WNK2: variants seen among roughly 807,000 people sequenced by gnomAD.
WNK2 encodes the protein WNK lysine deficient protein kinase 2.
In WNK2, 67 loss-of-function variants were observed where a neutral mutation model predicts 192.1. That is an observed-to-expected ratio of 0.35 (90% CI 0.29 to 0.43). WNK2 has a LOEUF of 0.43. Among genes scored for constraint, WNK2 ranks in the 20% least tolerant of loss-of-function variants. WNK2 has a pLI of 1.00. For synonymous variants in WNK2, 1,439 were observed against 1,393.9 expected, an observed-to-expected ratio of 1.03 and a Z score of -0.72; for missense variants, 2,698 against 3,089.7, an observed-to-expected ratio of 0.87 and a Z score of 3.01.
At chr9:93,218,783 G>A (rs1836257925) in intron 2 of WNK2, among the ~76,000 whole-genome samples, 1 of 152,232 alleles carries the variant, frequency 6.6e-6, no homozygotes, top group Non-Finnish European at 1.5e-5. Context: ...GGCTGTCAGG[G>A]CCAGGGCTGC....
At chr9:93,284,143 A>C (rs1028110402) in intron 19 of WNK2, among the ~76,000 whole-genome samples, 9 of 152,218 alleles carry the variant, frequency 5.9e-5, no homozygotes, top group African/African-American at 2.2e-4. Flanking sequence ...ACAGATACTT[A>C]AGTGAGAAAT....
At chr9:93,213,706 T>C (rs1835188845) in intron 2 of WNK2, among the ~76,000 whole-genome samples, 1 of 152,152 alleles carries the variant, frequency 6.6e-6, no homozygotes, top group Non-Finnish European at 1.5e-5. Context: ...GGAGAATCGC[T>C]TGAACCCAGG....
At chr9:93,294,286 G>C (rs535945496) in intron 23 of WNK2, among the ~76,000 whole-genome samples, 5 of 152,202 alleles carry the variant, frequency 3.3e-5, no homozygotes, top group African/African-American at 9.6e-5. Context: ...CTCTGTGTTC[G>C]TGGAGAACTG....
chr9:93,223,773 C>T (rs1837353562), intron 2 of WNK2, among the ~76,000 whole-genome samples: 1 of 152,330 alleles, frequency 6.6e-6, no homozygotes, highest in Non-Finnish European at 1.5e-5. Flanking sequence ...GAGGCTCTTC[C>T]CACCAGGAGG....
At chr9:93,217,616 A>G (rs974365699) in intron 2 of WNK2, among the ~76,000 whole-genome samples, 3 of 152,178 alleles carry the variant, frequency 2.0e-5, no homozygotes, top group African/African-American at 7.2e-5. Flanking sequence ...CCTCACCCCC[A>G]TGCTGCTTTA....
chr9:93,307,112 T>A, intron 27 of WNK2: 1 of 499,400 alleles, frequency 2.0e-6, no homozygotes, highest in Admixed American at 3.5e-5. Context: ...ATTAATTGGC[T>A]CCTTTTCCAA....
At chr9:93,290,229 GTCATGA>G (rs1323414342) in intron 21 of WNK2, among the ~76,000 whole-genome samples, 182 bp downstream of exon 21, 1 of 152,108 alleles carries the variant, frequency 6.6e-6, no homozygotes, top group Non-Finnish European at 1.5e-5. Flanking sequence ...GCAGGAGTCT[GTCATGA>G]TTTAATTCAA....
At chr9:93,302,177 C>T (rs1474544939) in intron 26 of WNK2, among the ~76,000 whole-genome samples, 2 of 152,224 alleles carry the variant, frequency 1.3e-5, no homozygotes, top group Admixed American at 1.3e-4. Context: ...TGTGAGGAGA[C>T]CAAGCACCTC....
chr9:93,290,842 T>C (rs1849236068), intron 21 of WNK2, among the ~76,000 whole-genome samples: 2 of 152,252 alleles, frequency 1.3e-5, no homozygotes, highest in South Asian at 2.1e-4. Context: ...GCTTTGCTTC[T>C]CATTTCATTA....
intron 18 of WNK2, 138 bp from the exon 19 acceptor site, chr9:93,268,489 A>C: frequency 7.4e-7 from 1 of 1,354,334 alleles, no homozygotes; most frequent in Non-Finnish European, 1.0e-6. Context: ...CTCTGCCCAC[A>C]CCCTTCCTGG....
rs185798858 is a variant in WNK2, at chr9:93,253,841, G to A, written c.2034+759G>A. Among the ~76,000 whole-genome samples, 13 of 152,318 alleles carry A rather than the reference G, an allele frequency of 8.5e-5. No individual in the cohort carries two copies. In the East Asian group the frequency reaches 2.3e-3, roughly 27 times the overall value. On this transcript the variant is annotated intron_variant, in intron 9 of 29. Transcript: ENST00000427277. ...GAAAGCAAAACAATTGCTCCTCGCA[G>A]TCCCAAGTGCCCAGCCACAGAGGGG...
rs761644484 is a variant in WNK2, at chr9:93,289,004, C to T, written c.4250C>T (p.Ala1417Val). 3.1e-6 allele frequency: 5 copies of T among 1,600,858 alleles called. No homozygotes were observed. The highest frequency in any genetic ancestry group is 4.3e-6 in the Non-Finnish European group (5 of 1,173,774). The change falls in exon 20 of 30, where the codon GCA becomes GTA. Residue 1417 changes from alanine to valine, a missense_variant. By Grantham distance (64) the Ala-to-Val change is moderately conservative. This residue lies in a region of WNK2 where 1,098 missense variants were observed against 1,101.0 expected (regional missense o/e 1.00). Transcript: ENST00000427277. The stretch of plus-strand genomic sequence containing the variant: ...CCAGCGTCAGGAACTGCCAGCCAGG[C>T]AGGGGGTCCAGGGACACCTCAGGGG... ...PEPASGTASQ[A>V]GGPGTPQGLT... is the part of the protein sequence containing the mutation.
rs1394016721 is a variant in WNK2, at chr9:93,288,655, G to A, written c.4034-133G>A. The A allele has an allele frequency of 1.9e-5, 18 of 926,254 alleles. No homozygotes were observed. The East Asian group carries it at 2.5e-4, about 13-fold the overall frequency. The allele number at this position is 926,254 out of a possible 1,614,324, so 57.4% of individuals were successfully genotyped here. On this transcript the variant is annotated intron_variant, in intron 19 of 29. Transcript: ENST00000427277. ...AGCTGCAGGCAGGCAGGAGCCTGGCGTGTCGGGAAACAGAGAAGACCAGCA... is the reference window on the plus strand; with the variant it reads ...AGCTGCAGGCAGGCAGGAGCCTGGCATGTCGGGAAACAGAGAAGACCAGCA...
At chr9:93,208,971 C>T (rs116579494) in intron 2 of WNK2, among the ~76,000 whole-genome samples, 2,785 of 152,232 alleles carry the variant, frequency 0.018, 73 homozygotes, top group African/African-American at 0.064. Flanking sequence ...ACCACAGCTC[C>T]GGGGGTGCTT....
rs1828828633 is a variant in WNK2, at chr9:93,184,168, G to C, written c.-220G>C. 6.7e-6 allele frequency among the ~76,000 whole-genome samples: 1 copy of C among 149,474 alleles called. No individual in the cohort carries two copies. Among genetic ancestry groups the C allele is most frequent in the East Asian group, 2.0e-4 (1 of 5,064 alleles). On this transcript the variant is annotated 5_prime_UTR_variant, in exon 1 of 30. Coordinates refer to ENST00000427277, the MANE Select transcript of WNK2 (RefSeq NM_006648.4). ...CCGCGCGCCGGGTCGGAGCCGGTGC[G>C]GGAGCGGAGCCGCGCGAAGCCGGCA...
chr9:93,250,199 T>G (rs1313186054), intron 8 of WNK2, among the ~76,000 whole-genome samples: 3 of 152,132 alleles, frequency 2.0e-5, no homozygotes, highest in Admixed American at 1.3e-4. Flanking sequence ...TAGGCACATC[T>G]ACACATGCAC....
At chr9:93,192,103 C>A (rs11794044) in intron 2 of WNK2, among the ~76,000 whole-genome samples, 22,956 of 151,300 alleles carry the variant, frequency 0.15, 1,809 homozygotes, top group South Asian at 0.22. Flanking sequence ...AACACGAGGT[C>A]AAGAGATTGA....
intron 2 of WNK2, among the ~76,000 whole-genome samples, chr9:93,221,448 A>G (rs2131806851): frequency 6.6e-6 from 1 of 152,336 alleles, no homozygotes; most frequent in Middle Eastern, 3.4e-3. Context: ...TGACAGGATC[A>G]GGCTTTCTCA....
intron 2 of WNK2, among the ~76,000 whole-genome samples, chr9:93,218,837 T>G (rs990825684): frequency 2.0e-5 from 3 of 152,190 alleles, no homozygotes; most frequent in African/African-American, 7.2e-5. Flanking sequence ...GCTGCACCCC[T>G]CTGCCCCAGG....
Sources: allele counts gnomAD v4.1 joint callset (sites outside exome capture counted in the v4.1 genomes callset), GRCh38; gene constraint gnomAD v4.1.1; regional missense constraint gnomAD v4.1.1; transcripts MANE v1.5; gene names NCBI Gene and HGNC (gene_info 2026-07-23, HGNC 2026-07-21).